Variants in TRDN observed in about 807,000 individuals in gnomAD.
The protein encoded by TRDN is triadin in skeletal muscle.
In TRDN, 161 loss-of-function variants were observed where a neutral mutation model predicts 149.7. That is an observed-to-expected ratio of 1.08 (90% CI 0.95 to 1.23). The LOEUF (loss-of-function observed/expected upper bound fraction) is 1.23, where lower values mean the gene tolerates loss of function less well. Ranked by LOEUF, TRDN falls within the 50% of genes most tolerant of loss-of-function variation. TRDN has a pLI of 0.00. For missense variants in TRDN, 896 were observed against 823.5 expected, an observed-to-expected ratio of 1.09 and a Z score of -1.08; for synonymous variants, 294 against 250.5, an observed-to-expected ratio of 1.17 and a Z score of -1.64.
At chr6:123,332,793 TG>T (rs1779711158) in intron 22 of TRDN, among the ~76,000 whole-genome samples, 1 of 152,166 alleles carries the variant, frequency 6.6e-6, no homozygotes, top group South Asian at 2.1e-4. Flanking sequence ...GAGACTGTGA[TG>T]GTGGTGCTTG....
chr6:123,571,233 CT>C, intron 1 of TRDN, 101 bp from the exon 2 acceptor site: 1 of 1,226,978 alleles, frequency 8.2e-7, no homozygotes. Context: ...GTTTATACTG[CT>C]TTCTAGAGCA....
intron 38 of TRDN, among the ~76,000 whole-genome samples, chr6:123,249,744 A>G (rs9490716): frequency 2.2e-4 from 34 of 152,290 alleles, no homozygotes; most frequent in African/African-American, 8.2e-4. Flanking sequence ...ACACATGGAC[A>G]TAAAGATGGA....
chr6:123,224,768 T>A lies in TRDN; in HGVS notation c.1976-637A>T, dbSNP rs193093625. On this transcript the variant is annotated intron_variant, in intron 38 of 40. Coordinates refer to ENST00000334268, the MANE Select transcript of TRDN (RefSeq NM_006073.4). ...CCCCAAAATCAATTCAAAATGGATT[T>A]AAAGACTTAAATGTAAAACTGAAAC... is the stretch of plus-strand genomic sequence containing the variant. 9.7e-3 allele frequency among the ~76,000 whole-genome samples: 1,469 copies of A among 151,868 alleles called. 12 individuals are homozygous for A. Among genetic ancestry groups the A allele is most frequent in the Middle Eastern group, 0.068 (20 of 294 alleles).
At chr6:123,456,206 A>G (rs111802293) in intron 10 of TRDN, among the ~76,000 whole-genome samples, 2,085 of 152,254 alleles carry the variant, frequency 0.014, 40 homozygotes, top group African/African-American at 0.047. Flanking sequence ...AAGCCTTTCA[A>G]TTTTTTAAAT....
intron 37 of TRDN, among the ~76,000 whole-genome samples, chr6:123,254,175 G>T (rs1374506622): frequency 6.6e-6 from 1 of 151,782 alleles, no homozygotes; most frequent in African/African-American, 2.4e-5. Flanking sequence ...TATCTCAAAG[G>T]ATATTAAACA....
chr6:123,221,627 A>G (rs1484387265), intron 39 of TRDN, 105 bp from the exon 40 acceptor site: 5 of 635,144 alleles, frequency 7.9e-6, no homozygotes, highest in Non-Finnish European at 1.3e-5. Flanking sequence ...TATGAAAGAA[A>G]CAGGAGTTAC....
intron 1 of TRDN, among the ~76,000 whole-genome samples, chr6:123,597,298 G>A (rs550405091): frequency 1.3e-3 from 196 of 152,126 alleles, no homozygotes; most frequent in African/African-American, 3.4e-3. Flanking sequence ...CTGAACTGCC[G>A]CAATCTCATG....
intron 38 of TRDN, among the ~76,000 whole-genome samples, chr6:123,243,091 T>C (rs1211742045): frequency 6.6e-6 from 1 of 152,134 alleles, no homozygotes; most frequent in Non-Finnish European, 1.5e-5. Flanking sequence ...CCACTGTTGC[T>C]GCTGAAGGTT....
intron 12 of TRDN, among the ~76,000 whole-genome samples, chr6:123,400,654 G>A (rs1458136780): frequency 1.3e-5 from 2 of 152,110 alleles, no homozygotes; most frequent in African/African-American, 4.8e-5. Context: ...TTGGGGACCC[G>A]TGCTCTAATG....
At chr6:123,472,127 C>T (rs1367617796) in intron 9 of TRDN, among the ~76,000 whole-genome samples, 6 of 152,172 alleles carry the variant, frequency 3.9e-5, no homozygotes, top group East Asian at 1.9e-4. Context: ...CCAGCGTGAG[C>T]GACGCAGAAG....
At chr6:123,547,612 C>T (rs966926248) in intron 3 of TRDN, among the ~76,000 whole-genome samples, 19 of 151,858 alleles carry the variant, frequency 1.3e-4, no homozygotes, top group Non-Finnish European at 2.7e-4. Context: ...CCAAATTATA[C>T]ATTATAGGTT....
chr6:123,334,498 T>TA (rs1023028470), intron 22 of TRDN, among the ~76,000 whole-genome samples: 12 of 152,046 alleles, frequency 7.9e-5, no homozygotes, highest in African/African-American at 2.9e-4. Flanking sequence ...AGAAACAAGT[T>TA]ATCAGGGATA....
chr6:123,398,154 G>A (rs753769851), intron 12 of TRDN, among the ~76,000 whole-genome samples: 3 of 152,238 alleles, frequency 2.0e-5, no homozygotes, highest in Non-Finnish European at 2.9e-5. Context: ...ACAGGCGTCC[G>A]CCACTGCGCC....
chr6:123,467,490 G>A (rs1005544952), intron 9 of TRDN, among the ~76,000 whole-genome samples: 1 of 151,856 alleles, frequency 6.6e-6, no homozygotes, highest in African/African-American at 2.4e-5. Context: ...GTAAGGCAGT[G>A]GACACAATGG....
intron 33 of TRDN, 131 bp downstream of exon 33, chr6:123,265,187 A>G: frequency 1.5e-6 from 1 of 646,188 alleles, no homozygotes; most frequent in African/African-American, 1.9e-5. Context: ...ACTCACTTAT[A>G]TGGTAATAGT....
At chr6:123,218,783 T>C in intron 40 of TRDN, 43 bp from the exon 41 acceptor site, 2 of 1,541,356 alleles carry the variant, frequency 1.3e-6, no homozygotes, top group Non-Finnish European at 1.8e-6. Context: ...ATGCAGAACA[T>C]GAGCAAAAAA....
intron 20 of TRDN, among the ~76,000 whole-genome samples, chr6:123,353,612 C>T (rs2114304408): frequency 6.6e-6 from 1 of 151,352 alleles, no homozygotes; most frequent in East Asian, 1.9e-4. Flanking sequence ...GGTAACTGGT[C>T]CTGATCTTTG....
intron 12 of TRDN, among the ~76,000 whole-genome samples, chr6:123,403,963 T>C (rs1437128847): frequency 1.3e-5 from 2 of 152,202 alleles, no homozygotes; most frequent in African/African-American, 2.4e-5. Context: ...TCAGGTTTTA[T>C]AATGTATATA....
In TRDN at chr6:123,248,968, A is replaced by G. The variant is rs552050825; in HGVS notation, c.1975+3444T>C. 2.1e-4 allele frequency among the ~76,000 whole-genome samples: 32 copies of G among 152,270 alleles called. 1 individual carries two copies. The South Asian group carries it at 5.8e-3, about 28-fold the overall frequency. ...TTGAATATAGATGCAAAAATCCTCA[A>G]CAAAATACTAGCAAAATGAATCCAA... On this transcript the variant is annotated intron_variant, in intron 38 of 40. Coordinates refer to ENST00000334268, the MANE Select transcript of TRDN (RefSeq NM_006073.4).
Sources: allele counts gnomAD v4.1 joint callset (sites outside exome capture counted in the v4.1 genomes callset), GRCh38; gene constraint gnomAD v4.1.1; transcripts MANE v1.5; gene names NCBI Gene and HGNC (gene_info 2026-07-23, HGNC 2026-07-21).